The following PBX1 variants were observed in gnomAD, a reference collection of about 807,000 sequenced individuals.
The protein encoded by PBX1 is PBX homeobox 1, also known as pre-B-cell leukemia transcription factor 1.
In PBX1, 6 loss-of-function variants were observed where a neutral mutation model predicts 53.4. The observed-to-expected ratio is 0.11, with a 90% CI of 0.06 to 0.22. The LOEUF (loss-of-function observed/expected upper bound fraction) is 0.22. Among genes scored for constraint, PBX1 ranks in the 10% least tolerant of loss-of-function variants. PBX1 has a pLI of 1.00. For synonymous variants in PBX1, 204 were observed against 212.3 expected (o/e 0.96, Z 0.34); for missense variants, 251 against 551.4 (o/e 0.46, Z 5.46).
At chr1:164,822,542 A>G (rs1269277507) in intron 8 of PBX1, among the ~76,000 whole-genome samples, 1 of 152,216 alleles carries the variant, frequency 6.6e-6, no homozygotes, top group African/African-American at 2.4e-5. Context: ...AATCTATACT[A>G]ATGGAGATAT....
intron 2 of PBX1, among the ~76,000 whole-genome samples, chr1:164,635,177 A>G (rs1429952203): frequency 6.6e-6 from 1 of 152,130 alleles, no homozygotes. Context: ...ACAGCAGTTC[A>G]TCTGAAATGC....
intron 2 of PBX1, among the ~76,000 whole-genome samples, chr1:164,625,364 G>C (rs1156363105): frequency 2.0e-5 from 3 of 152,138 alleles, no homozygotes. Context: ...AGGTACATTT[G>C]TATTTTTTTC....
intron 2 of PBX1, among the ~76,000 whole-genome samples, chr1:164,704,567 C>T (rs897351020): frequency 6.6e-6 from 1 of 152,210 alleles, no homozygotes; most frequent in Non-Finnish European, 1.5e-5. Context: ...ACATTTTATA[C>T]CTTAACTGAT....
At chr1:164,856,392 T>G (rs1377768939), downstream of PBX1, among the ~76,000 whole-genome samples, 2 of 152,236 alleles carry the variant, frequency 1.3e-5, no homozygotes, top group African/African-American at 4.8e-5. Context: ...GTTCCATCCC[T>G]TCTCTGTCTT....
chr1:164,725,218 A>G (rs1664635143), intron 2 of PBX1, among the ~76,000 whole-genome samples: 1 of 152,102 alleles, frequency 6.6e-6, no homozygotes. Flanking sequence ...AGAGGGACAA[A>G]TGACTGGAGG....
chr1:164,589,360 G>C (rs141436963), intron 2 of PBX1, among the ~76,000 whole-genome samples: 1 of 152,040 alleles, frequency 6.6e-6, no homozygotes, highest in Non-Finnish European at 1.5e-5. Context: ...AAGGAGAGGG[G>C]GCGGGGAGAG....
intron 2 of PBX1, among the ~76,000 whole-genome samples, chr1:164,606,077 T>C (rs1656526686): frequency 6.6e-6 from 1 of 152,220 alleles, no homozygotes; most frequent in Admixed American, 6.5e-5. Flanking sequence ...CTGTGGGTAG[T>C]GTAAGAGCAA....
At chr1:164,682,927 A>G (rs1661873534) in intron 2 of PBX1, 1 of 152,126 alleles carries the variant, frequency 6.6e-6, no homozygotes, top group South Asian at 2.1e-4. Context: ...CTTTTCTTTC[A>G]TTCTGCTTAT....
At chr1:164,806,158 A>G (rs1428820410) in intron 4 of PBX1, among the ~76,000 whole-genome samples, 1 of 152,218 alleles carries the variant, frequency 6.6e-6, no homozygotes, top group Non-Finnish European at 1.5e-5. Context: ...CACAACTTCA[A>G]GGAGGGCCAA....
chr1:164,748,846 A>G (rs1440061901), intron 2 of PBX1, among the ~76,000 whole-genome samples: 3 of 152,124 alleles, frequency 2.0e-5, no homozygotes, highest in Non-Finnish European at 2.9e-5. Context: ...GGATGGGGTG[A>G]GCACTGGGGC....
At chr1:164,761,426 A>G (rs1339156676) in intron 2 of PBX1, among the ~76,000 whole-genome samples, 1 of 151,440 alleles carries the variant, frequency 6.6e-6, no homozygotes, top group Non-Finnish European at 1.5e-5. Context: ...AACATTAAAC[A>G]TCGTCTTTCA....
intron 2 of PBX1, among the ~76,000 whole-genome samples, chr1:164,624,158 A>G (rs548286460): frequency 6.2e-4 from 94 of 152,332 alleles, no homozygotes; most frequent in African/African-American, 2.2e-3. Context: ...AGCAATTGCT[A>G]CTGTTGCCAT....
chr1:164,635,332 G>A (rs1247153415), intron 2 of PBX1, among the ~76,000 whole-genome samples: 1 of 152,082 alleles, frequency 6.6e-6, no homozygotes, highest in African/African-American at 2.4e-5. Context: ...GGGGCGAGGG[G>A]GGAGGGAGGG....
chr1:164,565,532 G>A (rs1016241709), intron 2 of PBX1, among the ~76,000 whole-genome samples: 4 of 152,016 alleles, frequency 2.6e-5, no homozygotes, highest in African/African-American at 9.7e-5. Context: ...TTCAACTTGT[G>A]TGTTGGAAGG....
chr1:164,775,683 C>T (rs1006041820), intron 2 of PBX1, among the ~76,000 whole-genome samples: 8 of 152,310 alleles, frequency 5.3e-5, no homozygotes, highest in Admixed American at 5.2e-4. Flanking sequence ...ATTCCCATCC[C>T]TTTTGCGGGG....
chr1:164,796,329 T>G (rs902039), intron 3 of PBX1, among the ~76,000 whole-genome samples: 108,928 of 152,054 alleles, frequency 0.72, 40,440 homozygotes, highest in African/African-American at 0.92. Context: ...TTAAGAGCTG[T>G]CATATTATAA....
At chr1:164,568,246 T>C (rs966744043) in intron 2 of PBX1, among the ~76,000 whole-genome samples, 1 of 152,222 alleles carries the variant, frequency 6.6e-6, no homozygotes, top group African/African-American at 2.4e-5. Flanking sequence ...AAGCTTATTC[T>C]TCAATTTGGT....
intron 2 of PBX1, among the ~76,000 whole-genome samples, chr1:164,671,516 T>G (rs1050397505): frequency 6.6e-6 from 1 of 152,196 alleles, no homozygotes; most frequent in African/African-American, 2.4e-5. Flanking sequence ...CTTGTGTTCA[T>G]TCTTGCCCTT....
At chr1:164,863,994 G>A (rs1328566186) in intron 2 of PBX1, among the ~76,000 whole-genome samples, 1 of 152,174 alleles carries the variant, frequency 6.6e-6, no homozygotes, top group Non-Finnish European at 1.5e-5. Flanking sequence ...TAAAAGCAGG[G>A]ATAATAAGAG....
Sources: gnomAD v4.1 joint callset for allele counts (sites outside exome capture counted in the v4.1 genomes callset) on GRCh38, gnomAD v4.1.1 for gene constraint, MANE v1.5 for transcripts, NCBI Gene and HGNC (gene_info 2026-07-23, HGNC 2026-07-21) for gene names.